The following PHOSPHO2 variants were observed in gnomAD, a reference collection of about 807,000 sequenced individuals.
PHOSPHO2 encodes phosphatase, orphan 2, also known as pyridoxal phosphate phosphatase PHOSPHO2.
A neutral mutation model predicts 16.4 loss-of-function variants in PHOSPHO2; 14 were observed. The observed-to-expected ratio is 0.85, with a 90% CI of 0.56 to 1.33. The LOEUF is 1.33. Ranked by LOEUF, PHOSPHO2 falls within the 40% of genes most tolerant of loss-of-function variation. PHOSPHO2 has a pLI of 0.00. For synonymous variants in PHOSPHO2, 85 were observed against 90.5 expected (o/e 0.94, Z 0.34); for missense variants, 246 against 282.5 (o/e 0.87, Z 0.93).
intron 2 of PHOSPHO2, among the ~76,000 whole-genome samples, chr2:169,696,732 TA>T (rs1252713531): frequency 6.6e-6 from 1 of 152,242 alleles, no homozygotes; most frequent in African/African-American, 2.4e-5. Context: ...TTCATATTCT[TA>T]ATTTTTGGAG....
chr2:169,699,319 C>T (rs1010827360), intron 3 of PHOSPHO2, among the ~76,000 whole-genome samples: 2 of 81,316 alleles, frequency 2.5e-5, no homozygotes, highest in Admixed American at 2.0e-4. Flanking sequence ...TAATGGCTTC[C>T]AGATCCATCC....
intron 3 of PHOSPHO2, among the ~76,000 whole-genome samples, chr2:169,700,507 T>A (rs1687714793): frequency 6.6e-6 from 1 of 152,024 alleles, no homozygotes; most frequent in Non-Finnish European, 1.5e-5. Flanking sequence ...TTATTTTACA[T>A]CTTCCAAGAT....
In PHOSPHO2 at chr2:169,701,489, A is replaced by G; in HGVS notation, c.518A>G (p.Gln173Arg). 1.2e-6 allele frequency: 2 copies of G among 1,612,902 alleles called. No individual in the cohort carries two copies. Among genetic ancestry groups the G allele is most frequent in the Non-Finnish European group, 1.7e-6 (2 of 1,179,714 alleles). The change falls in exon 4 of 4, where the codon CAA becomes CGA. Residue 173 changes from glutamine (Q) to arginine (R), a missense_variant. Transcript: ENST00000359744. ...KQLQQGVNYTQIVYIGDGGND... is the reference protein window; with the variant it reads ...KQLQQGVNYTRIVYIGDGGND... ...TTACAACAGGGAGTGAATTATACACAAATTGTTTATATTGGTGATGGTGGA... is the reference window on the plus strand; with the variant it reads ...TTACAACAGGGAGTGAATTATACACGAATTGTTTATATTGGTGATGGTGGA...
Position 169,700,995 on chromosome 2 carries a change from C to T in PHOSPHO2, c.24C>T (p.Asp8=). Residue 8 remains aspartate, a synonymous_variant, in exon 4 of 4, where the codon GAC becomes GAT. Transcript: ENST00000359744. MKILLVF[D]FDNTIIDDNS... is the part of the protein sequence containing the mutation. ...CCATGAAAATTTTGCTAGTTTTTGACTTTGACAATACAATCATAGATGACA... is the reference window on the plus strand; with the variant it reads ...CCATGAAAATTTTGCTAGTTTTTGATTTTGACAATACAATCATAGATGACA... The T allele has an allele frequency of 6.3e-7, 1 of 1,595,548 alleles. No individual in the cohort carries two copies. The highest frequency in any genetic ancestry group is 8.5e-7 in the Non-Finnish European group (1 of 1,172,342).
intron 3 of PHOSPHO2, among the ~76,000 whole-genome samples, chr2:169,699,797 T>A (rs928140075): frequency 1.7e-4 from 26 of 152,328 alleles, no homozygotes; most frequent in Non-Finnish European, 3.5e-4. Flanking sequence ...GAGCTTTTTT[T>A]TCATATATTT....
In PHOSPHO2 at chr2:169,701,401, T is replaced by G. The variant is rs1687751148; in HGVS notation, c.430T>G (p.Cys144Gly). The change falls in exon 4 of 4, where the codon TGC (cysteine) becomes GGC (glycine). Residue 144 changes from cysteine (C) to glycine (G), a missense_variant. Cys to Gly is a radical substitution (Grantham distance 159). Transcript: ENST00000359744. The part of the protein sequence containing the change: ...LTVENYHTHS[C>G]NRCPKNLCKK... ...TGTTGAAAATTATCATACTCATTCT[T>G]GCAATAGATGCCCAAAGAATCTTTG... 6.2e-7 allele frequency: 1 copy of G among 1,613,512 alleles called. No homozygotes were observed. The highest frequency in any genetic ancestry group is 8.5e-7 in the Non-Finnish European group (1 of 1,179,930).
intron 3 of PHOSPHO2, among the ~76,000 whole-genome samples, chr2:169,700,744 A>G (rs544673227): frequency 6.6e-6 from 1 of 152,156 alleles, no homozygotes; most frequent in African/African-American, 2.4e-5. Context: ...CTTTTTATAT[A>G]TTTTGTTTTC....
intron 2 of PHOSPHO2, among the ~76,000 whole-genome samples, chr2:169,695,810 G>T (rs1178307965): frequency 1.3e-5 from 2 of 152,108 alleles, no homozygotes; most frequent in East Asian, 3.9e-4. Flanking sequence ...TAAAGCCCCA[G>T]TTCCCACAGG....
intron 2 of PHOSPHO2, among the ~76,000 whole-genome samples, 179 bp from the exon 3 acceptor site, chr2:169,697,182 A>AT (rs778760243): frequency 1.3e-5 from 2 of 151,864 alleles, no homozygotes; most frequent in Non-Finnish European, 2.9e-5. Context: ...CGCCCAGCTA[A>AT]TTTTTTGTAT....
chr2:169,698,578 C>T (rs1408537370), intron 3 of PHOSPHO2, among the ~76,000 whole-genome samples: 1 of 152,128 alleles, frequency 6.6e-6, no homozygotes, highest in Admixed American at 6.5e-5. Context: ...TAATGACTCT[C>T]AAAATTATTA....
intron 3 of PHOSPHO2, among the ~76,000 whole-genome samples, chr2:169,699,203 A>G (rs539791219): frequency 7.4e-6 from 1 of 135,366 alleles, no homozygotes; most frequent in Middle Eastern, 3.9e-3. Context: ...GTCCCAGGGT[A>G]TGTTATTCCC....
Position 169,701,293 on chromosome 2 carries a change from G to T in PHOSPHO2, c.322G>T (p.Val108Phe), listed in dbSNP as rs757425825. The T allele has an allele frequency of 2.5e-6, 4 of 1,612,540 alleles. No individual in the cohort carries two copies. In the East Asian group the frequency reaches 6.7e-5, roughly 27 times the overall value. The change falls in exon 4 of 4, where the codon GTT becomes TTT. Residue 108 changes from valine (V) to phenylalanine (F), a missense_variant. Transcript: ENST00000359744. ...TTCAAATTCGGTCTTCATAGATTGG[G>T]TTTTAGAAGCTGCCAGTTTTCATGA... is the stretch of plus-strand genomic sequence containing the variant. ...SDSNSVFIDW[V>F]LEAASFHDIF...
chr2:169,699,175 AC>A (rs1181515864), intron 3 of PHOSPHO2, among the ~76,000 whole-genome samples: 1 of 101,126 alleles, frequency 9.9e-6, no homozygotes, highest in African/African-American at 3.8e-5. Context: ...GCCTCCTCCC[AC>A]CCCCACCCTC....
At chr2:169,700,814 T>C (rs1318832143) in intron 3 of PHOSPHO2, 132 bp from the exon 4 acceptor site, 14 of 898,744 alleles carry the variant, frequency 1.6e-5, no homozygotes, top group Non-Finnish European at 2.2e-5. Flanking sequence ...GGTAGTGGTC[T>C]TGAAGTGCTT....
chr2:169,696,683 G>A (rs891796235), intron 2 of PHOSPHO2, among the ~76,000 whole-genome samples: 5 of 152,180 alleles, frequency 3.3e-5, no homozygotes, highest in African/African-American at 4.8e-5. Context: ...TAACAAATTG[G>A]TTTCAAAACA....
rs1687588234 is a variant in PHOSPHO2 at position 169,697,494 on chromosome 2, A to G, written c.-64A>G. 6.6e-6 allele frequency: 1 copy of G among 152,206 alleles called. No individual in the cohort carries two copies. Among genetic ancestry groups the G allele is most frequent in the Non-Finnish European group, 1.5e-5 (1 of 68,032 alleles). 9.4% of individuals were successfully genotyped at this position (152,206 alleles called of 1,614,324 possible). A position where few individuals can be genotyped will look rare whatever the true frequency, so the allele number is the denominator to read the frequency against. On this transcript the variant is annotated 5_prime_UTR_variant, in exon 3 of 4. Transcript: ENST00000359744. ...TGTCATGATTGTTTATCCTAATCCC[A>G]ATGCTGAAGTAAGATTGTCTTGGAA...
rs2105601859 is a variant in PHOSPHO2, at chr2:169,701,068, AT to A, written c.99del (p.Ile33MetfsTer28). 6.2e-7 allele frequency: 1 copy of A among 1,614,010 alleles called. No individual in the cohort carries two copies. The highest frequency in any genetic ancestry group is 8.5e-7 in the Non-Finnish European group (1 of 1,179,972). ...ATGTGCTCCCAACAAAAAGCTTCCT[AT>A]TGAACTACGTGATTCTTATCGAAAA... ...VQCAPNKKLP[I>X]ELRDSYRKGF... is the part of the protein sequence containing the mutation. On this transcript the variant is annotated frameshift_variant, in exon 4 of 4. Coordinates refer to ENST00000359744, the MANE Select transcript of PHOSPHO2 (RefSeq NM_001008489.4). LOFTEE classifies it high-confidence loss of function.
intron 2 of PHOSPHO2, among the ~76,000 whole-genome samples, chr2:169,695,719 T>G (rs1177494221): frequency 1.3e-5 from 2 of 152,142 alleles, no homozygotes; most frequent in Non-Finnish European, 2.9e-5. Flanking sequence ...GGCAGTTTCA[T>G]GGAAGACACA....
chr2:169,701,055 CA>C lies in PHOSPHO2; in HGVS notation c.89del (p.Lys30SerfsTer31). 1 of 1,613,778 alleles carries C rather than the reference CA, an allele frequency of 6.2e-7. No individual in the cohort carries two copies. The highest frequency in any genetic ancestry group is 8.5e-7 in the Non-Finnish European group (1 of 1,179,898). On this transcript the variant is annotated frameshift_variant, in exon 4 of 4. Coordinates refer to ENST00000359744, the MANE Select transcript of PHOSPHO2 (RefSeq NM_001008489.4). LOFTEE classifies it high-confidence loss of function. ...CTTGGATTGTACAATGTGCTCCCAA[CA>C]AAAAGCTTCCTATTGAACTACGTGA... ...DTWIVQCAPN[K>X]KLPIELRDSY...
Sources: gnomAD v4.1 joint callset for allele counts (sites outside exome capture counted in the v4.1 genomes callset) on GRCh38, gnomAD v4.1.1 for gene constraint, MANE v1.5 for transcripts, NCBI Gene and HGNC (gene_info 2026-07-23, HGNC 2026-07-21) for gene names.